The following DYNC2I1 variants were observed in gnomAD, a reference collection of about 807,000 sequenced individuals.
DYNC2I1 encodes dynein 2 intermediate chain 1.
Under a neutral mutation model 133.4 loss-of-function variants are expected in DYNC2I1, and 89 were observed. The ratio of observed to expected loss-of-function variants is 0.67; its 90% CI spans 0.56 to 0.80. The LOEUF (loss-of-function observed/expected upper bound fraction) is 0.80. Among genes scored for constraint, DYNC2I1 ranks in the 30% least tolerant of loss-of-function variants. The pLI, the probability that DYNC2I1 is intolerant of heterozygous loss-of-function variation, is 0.00. For missense variants in DYNC2I1, 1,291 were observed against 1,314.5 expected, an observed-to-expected ratio of 0.98 and a Z score of 0.28; for synonymous variants, 504 against 484.3, an observed-to-expected ratio of 1.04 and a Z score of -0.54.
chr7:158,921,257 C>T (rs1013518372), intron 15 of DYNC2I1, among the ~76,000 whole-genome samples: 6 of 152,134 alleles, frequency 3.9e-5, no homozygotes, highest in Non-Finnish European at 5.9e-5. Context: ...CTGGAGGAGG[C>T]GCTGCACGCA....
At chr7:158,947,451 GTGTCTGCGAAT>G (rs532126098), downstream of DYNC2I1, among the ~76,000 whole-genome samples, 7 of 152,320 alleles carry the variant, frequency 4.6e-5, no homozygotes, top group South Asian at 1.4e-3. Context: ...CTGGGCTTTG[GTGTCTGCGAAT>G]TCTCAGCTAT....
Position 158,930,859 on chromosome 7 carries a change from G to C in DYNC2I1, c.2546+344G>C, listed in dbSNP as rs191531046. ...ATTTTTGTATTTTTAGTAGAGATGG[G>C]GTTTCATCATATTGATCAGGCTGGT... On this transcript the variant is annotated intron_variant, in intron 21 of 24. Transcript: ENST00000407559. 1.4e-3 allele frequency among the ~76,000 whole-genome samples: 216 copies of C among 152,020 alleles called. 2 individuals are homozygous for C. The highest frequency in any genetic ancestry group is 5.0e-3 in the African/African-American group (208 of 41,430).
chr7:158,911,527 C>A, intron 11 of DYNC2I1, 23 bp from the exon 12 acceptor site: 1 of 1,607,446 alleles, frequency 6.2e-7, no homozygotes, highest in Non-Finnish European at 8.5e-7. Flanking sequence ...TAATTTTTGT[C>A]TTGTTTCCAA....
At chr7:158,910,556 C>T (rs1440281283) in intron 11 of DYNC2I1, among the ~76,000 whole-genome samples, 1 of 142,172 alleles carries the variant, frequency 7.0e-6, no homozygotes, top group Non-Finnish European at 1.5e-5. Context: ...TTGGCTGTGT[C>T]AGGCCTGTGG....
rs980942700 is a variant in DYNC2I1 at position 158,871,119 on chromosome 7, G to A, written c.70-23G>A. ...GAAATCTGCCTTCCTGGTCACGGAG[G>A]ACCCTTTGTTCTCTTGTTTCAGGCC... On this transcript the variant is annotated intron_variant, in intron 2 of 24. Coordinates refer to ENST00000407559, the MANE Select transcript of DYNC2I1 (RefSeq NM_018051.5). 7 of 1,592,170 alleles carry A rather than the reference G, an allele frequency of 4.4e-6. No individual in the cohort carries two copies. The African/African-American group carries it at 5.4e-5, about 12-fold the overall frequency.
chr7:158,930,032 C>T (rs1477430620), intron 20 of DYNC2I1, among the ~76,000 whole-genome samples: 1 of 152,174 alleles, frequency 6.6e-6, no homozygotes, highest in Non-Finnish European at 1.5e-5. Flanking sequence ...TTCTGAGTCT[C>T]TGGGATGGTG....
intron 3 of DYNC2I1, among the ~76,000 whole-genome samples, chr7:158,872,916 G>A (rs973402598): frequency 8.6e-5 from 13 of 151,560 alleles, no homozygotes; most frequent in Admixed American, 8.6e-4. Flanking sequence ...ACTTGAACCC[G>A]GGAGGAGGAG....
chr7:158,873,130 T>G (rs957536235), intron 3 of DYNC2I1, among the ~76,000 whole-genome samples: 2 of 152,202 alleles, frequency 1.3e-5, no homozygotes, highest in African/African-American at 4.8e-5. Flanking sequence ...AAAGTGTGTT[T>G]TATTTTATTT....
Position 158,914,798 on chromosome 7 carries a change from G to A in DYNC2I1, c.1791+477G>A, listed in dbSNP as rs531726795. ...GCTGTGGGTCTCGTCTGACCCCCCT[G>A]CCCACTCCACCACCCACCCCATCAG... On this transcript the variant is annotated intron_variant, in intron 14 of 24. Coordinates refer to ENST00000407559, the MANE Select transcript of DYNC2I1 (RefSeq NM_018051.5). Among the ~76,000 whole-genome samples the A allele has an allele frequency of 1.1e-4, 16 of 152,204 alleles. No individual in the cohort carries two copies. In the South Asian group the frequency reaches 2.9e-3, roughly 28 times the overall value.
At chr7:158,915,318 G>A (rs1847970856) in intron 14 of DYNC2I1, among the ~76,000 whole-genome samples, 2 of 151,570 alleles carry the variant, frequency 1.3e-5, no homozygotes, top group Admixed American at 6.6e-5. Flanking sequence ...TGGACACGCT[G>A]GTTGACATTA....
At chr7:158,926,089 G>A (rs1849586966) in intron 17 of DYNC2I1, 98 bp from the exon 18 acceptor site, 1 of 915,114 alleles carries the variant, frequency 1.1e-6, no homozygotes, top group Non-Finnish European at 1.7e-6. Context: ...TTGGATCTGT[G>A]AGACCCAGAA....
At chr7:158,855,962 G>C (rs919074976), upstream of DYNC2I1, among the ~76,000 whole-genome samples, 4 of 118,530 alleles carry the variant, frequency 3.4e-5, no homozygotes, top group African/African-American at 1.3e-4. Flanking sequence ...TTTTTTTTGA[G>C]ACAGAGTCTC....
intron 14 of DYNC2I1, among the ~76,000 whole-genome samples, chr7:158,918,185 C>G (rs1260904845): frequency 6.6e-6 from 1 of 152,212 alleles, no homozygotes; most frequent in East Asian, 1.9e-4. Flanking sequence ...CTCCCTCTTC[C>G]TCGCACAAAT....
At position 158,926,458 on chromosome 7, in the gene DYNC2I1, G is replaced by A; in HGVS notation, c.2428G>A (p.Val810Ile). Residue 810 changes from valine (V) to isoleucine (I), a missense_variant, in exon 19 of 25, where the codon GTA (valine) becomes ATA (isoleucine). Physicochemically the swap from Val to Ile is conservative, Grantham distance 29. Coordinates refer to ENST00000407559, the MANE Select transcript of DYNC2I1 (RefSeq NM_018051.5). ...CTTGGATGAGAGTGGGGTTCTCAAT[G>A]TATGGGTGAGTAGTGGCCCAGGCCG... ...ASLDESGVLN[V>I]WVVVELPKAD... 1 of 1,612,868 alleles carries A rather than the reference G, an allele frequency of 6.2e-7. No individual in the cohort carries two copies. The highest frequency in any genetic ancestry group is 8.5e-7 in the Non-Finnish European group (1 of 1,179,414).
chr7:158,883,116 A>G (rs948626382), intron 5 of DYNC2I1, among the ~76,000 whole-genome samples: 1 of 152,084 alleles, frequency 6.6e-6, no homozygotes, highest in Admixed American at 6.5e-5. Flanking sequence ...GTGCACTGCT[A>G]ATAATTACGC....
chr7:158,917,789 C>T (rs996107056), intron 14 of DYNC2I1, among the ~76,000 whole-genome samples: 3 of 152,178 alleles, frequency 2.0e-5, no homozygotes, highest in South Asian at 2.1e-4. Context: ...CACTTCAAAT[C>T]TCCTGCCTTC....
At chr7:158,915,860 A>G (rs1334930886) in intron 14 of DYNC2I1, among the ~76,000 whole-genome samples, 3 of 150,218 alleles carry the variant, frequency 2.0e-5, no homozygotes, top group African/African-American at 7.4e-5. Context: ...GACATTAAGG[A>G]TGATTGTGAA....
At chr7:158,909,660 C>G (rs1847189154) in intron 11 of DYNC2I1, among the ~76,000 whole-genome samples, 1 of 152,140 alleles carries the variant, frequency 6.6e-6, no homozygotes, top group African/African-American at 2.4e-5. Context: ...TATACCGGAG[C>G]AACCAAGGCC....
exon 5 of DYNC2I1, chr7:158,956,697 T>A (rs999456423): frequency 2.0e-5 from 3 of 152,358 alleles, no homozygotes; most frequent in Non-Finnish European, 4.4e-5. Flanking sequence ...AGTCGCCGAC[T>A]GCTTCAGATC....
Sources: gnomAD v4.1 joint callset for allele counts (sites outside exome capture counted in the v4.1 genomes callset) on GRCh38, gnomAD v4.1.1 for gene constraint, MANE v1.5 for transcripts, NCBI Gene and HGNC (gene_info 2026-07-23, HGNC 2026-07-21) for gene names.